The following SLFN11 variants were observed in gnomAD, a reference collection of about 807,000 sequenced individuals.
The protein encoded by SLFN11 is schlafen family member 11.
A neutral mutation model predicts 53.4 loss-of-function variants in SLFN11; 43 were observed. The observed-to-expected ratio is 0.80, with a 90% CI of 0.63 to 1.04. The LOEUF is 1.04. SLFN11 is among the 50% of genes least tolerant of loss of function. The probability of loss-of-function intolerance (pLI) is 0.00; values close to 1 mark genes in which losing one functional copy is unlikely to be tolerated. For missense variants in SLFN11, 990 were observed against 1,079.1 expected (o/e 0.92, Z 1.16); for synonymous variants, 389 against 394.7 (o/e 0.99, Z 0.17).
intron 4 of SLFN11, among the ~76,000 whole-genome samples, chr17:35,360,589 G>A (rs1386120995): frequency 6.6e-6 from 1 of 152,050 alleles, no homozygotes; most frequent in Admixed American, 6.6e-5. Context: ...AAGTTTAACT[G>A]TATTTCTCCA....
rs1907003194 is a variant in SLFN11 at position 35,353,366 on chromosome 17, C to T, written c.1892G>A (p.Cys631Tyr). 1.2e-6 allele frequency: 2 copies of T among 1,610,884 alleles called. No homozygotes were observed. The highest frequency in any genetic ancestry group is 2.2e-5 in the South Asian group (2 of 90,656). The change falls in exon 6 of 7, where the codon TGT (cysteine) becomes TAT (tyrosine). Residue 631 changes from cysteine (C) to tyrosine (Y), a missense_variant. Cys to Tyr is a radical substitution (Grantham distance 194, BLOSUM62 -2). Transcript: ENST00000685675. Reference protein sequence around the residue: ...HCEAHRILYVCENQPLRNFIS... With the variant: ...HCEAHRILYVYENQPLRNFIS... ...AAAGTTCCTCAGAGGCTGGTTTTCACAAACGTAGAGAATTCTGTGTGCCTC... is the reference window on the plus strand; with the variant it reads ...AAAGTTCCTCAGAGGCTGGTTTTCATAAACGTAGAGAATTCTGTGTGCCTC...
intron 1 of SLFN11, among the ~76,000 whole-genome samples, chr17:35,372,715 T>C (rs1801589959): frequency 6.6e-6 from 1 of 152,128 alleles, no homozygotes; most frequent in Non-Finnish European, 1.5e-5. Context: ...TATTAAACAT[T>C]ACATGCCTGT....
chr17:35,366,718 G>A (rs1007503481), intron 3 of SLFN11, among the ~76,000 whole-genome samples: 5 of 152,184 alleles, frequency 3.3e-5, no homozygotes, highest in African/African-American at 1.2e-4. Context: ...GTTATTGCAG[G>A]TGACAGAAGG....
intron 1 of SLFN11, among the ~76,000 whole-genome samples, chr17:35,372,795 TA>T (rs752227373): frequency 7.3e-5 from 11 of 150,980 alleles, no homozygotes; most frequent in Admixed American, 4.0e-4. Context: ...AAAATTAATT[TA>T]AAAAAAAAGA....
At chr17:35,368,479 A>G (rs1426170831) in intron 1 of SLFN11, among the ~76,000 whole-genome samples, 1 of 152,148 alleles carries the variant, frequency 6.6e-6, no homozygotes, top group South Asian at 2.1e-4. Flanking sequence ...TGTCCATCCC[A>G]GCAGTTGAAA....
At position 35,352,980 on chromosome 17, in the gene SLFN11, G is replaced by A. The variant is rs748994975; in HGVS notation, c.2082C>T (p.Gly694=). ...CCAGAAAGATCCAGAGAATTCCTGG[G>A]CCACCCTTTGCTCTCCGAGTGATGC... ...AKSITRRAKG[G]PGILWIFLDY... is the part of the protein sequence containing the mutation. Residue 694 remains glycine, a synonymous_variant, in exon 7 of 7, where the codon GGC becomes GGT. Transcript: ENST00000685675. The A allele has an allele frequency of 6.2e-6, 10 of 1,614,008 alleles. No homozygotes were observed. In the Admixed American group the frequency reaches 6.7e-5, roughly 11 times the overall value.
At chr17:35,368,506 C>A (rs1412617099) in intron 1 of SLFN11, among the ~76,000 whole-genome samples, 1 of 152,092 alleles carries the variant, frequency 6.6e-6, no homozygotes, top group East Asian at 1.9e-4. Flanking sequence ...TTTCAGCAAG[C>A]CTCGCCACTG....
In SLFN11 at chr17:35,350,659, G is replaced by A. The variant is rs1400066417; in HGVS notation, c.*1697C>T. On this transcript the variant is annotated 3_prime_UTR_variant, in exon 7 of 7. Transcript: ENST00000685675. The stretch of plus-strand genomic sequence containing the variant: ...AGTTGTATCTGATTTAATGCAGTCA[G>A]AAAGAAAAAAGAAACATTTATCTCA... 1 of 152,064 alleles carries A rather than the reference G, an allele frequency of 6.6e-6. No individual in the cohort carries two copies. The highest frequency in any genetic ancestry group is 2.4e-5 in the African/African-American group (1 of 41,420). 9.4% of individuals were successfully genotyped at this position (152,064 alleles called of 1,614,324 possible).
chr17:35,371,329 G>T (rs1275284184), intron 1 of SLFN11, among the ~76,000 whole-genome samples: 2 of 152,004 alleles, frequency 1.3e-5, no homozygotes, highest in African/African-American at 4.8e-5. Context: ...ACGAAAATGG[G>T]TTAAAGACTC....
intron 1 of SLFN11, among the ~76,000 whole-genome samples, chr17:35,368,042 C>T (rs990723337): frequency 1.3e-5 from 2 of 152,072 alleles, no homozygotes; most frequent in Non-Finnish European, 2.9e-5. Flanking sequence ...AGCAAACTCC[C>T]TAAAAGGTGA....
At chr17:35,363,961 G>A (rs1203374017) in intron 3 of SLFN11, 135 bp from the exon 4 acceptor site, 1 of 661,356 alleles carries the variant, frequency 1.5e-6, no homozygotes, top group Non-Finnish European at 2.4e-6. Flanking sequence ...TTTAGGAGAA[G>A]AATGGCTGGC....
intron 5 of SLFN11, 141 bp from the exon 6 acceptor site, chr17:35,354,200 T>C (rs2141930920): frequency 3.1e-6 from 2 of 650,608 alleles, no homozygotes; most frequent in Non-Finnish European, 2.1e-6. Flanking sequence ...TATTATATTA[T>C]AGTTATAAAG....
intron 5 of SLFN11, among the ~76,000 whole-genome samples, 196 bp from the exon 6 acceptor site, chr17:35,354,255 G>A (rs1339164615): frequency 2.0e-5 from 3 of 152,030 alleles, no homozygotes; most frequent in Non-Finnish European, 4.4e-5. Context: ...CTAAACCCAT[G>A]TGTTTTTTAC....
At chr17:35,354,150 T>G (rs1907168011) in intron 5 of SLFN11, 91 bp from the exon 6 acceptor site, 5 of 1,124,758 alleles carry the variant, frequency 4.4e-6, no homozygotes, top group Non-Finnish European at 6.0e-6. Context: ...ATTAACTAAA[T>G]GATTACTTAT....
At chr17:35,369,126 GA>G (rs1909327103) in intron 1 of SLFN11, among the ~76,000 whole-genome samples, 1 of 151,984 alleles carries the variant, frequency 6.6e-6, no homozygotes, top group East Asian at 1.9e-4. Context: ...AAGTAAAGGG[GA>G]CTTTGTCTTG....
chr17:35,368,078 A>G (rs2141985489), intron 1 of SLFN11, among the ~76,000 whole-genome samples: 1 of 152,156 alleles, frequency 6.6e-6, no homozygotes, highest in African/African-American at 2.4e-5. Flanking sequence ...AAACTTTGCA[A>G]TGTCAAATTG....
At chr17:35,372,772 C>A (rs1479193915) in intron 1 of SLFN11, among the ~76,000 whole-genome samples, 1 of 151,766 alleles carries the variant, frequency 6.6e-6, no homozygotes, top group Non-Finnish European at 1.5e-5. Flanking sequence ...CTACTATGTA[C>A]CCACAGAAAT....
intron 3 of SLFN11, among the ~76,000 whole-genome samples, chr17:35,365,379 G>T (rs1908828546): frequency 1.3e-5 from 2 of 152,090 alleles, no homozygotes; most frequent in South Asian, 4.1e-4. Flanking sequence ...AAACTCTGGG[G>T]CTCAAGTGAT....
intron 3 of SLFN11, among the ~76,000 whole-genome samples, chr17:35,364,394 C>A (rs745372952): frequency 1.3e-5 from 2 of 152,098 alleles, no homozygotes; most frequent in Admixed American, 6.5e-5. Flanking sequence ...GGTCTCAGAT[C>A]TATGGCATAA....
Sources: gnomAD v4.1 joint callset for allele counts (sites outside exome capture counted in the v4.1 genomes callset) on GRCh38, gnomAD v4.1.1 for gene constraint, MANE v1.5 for transcripts, NCBI Gene and HGNC (gene_info 2026-07-23, HGNC 2026-07-21) for gene names.